The following SHISA6 variants were observed in gnomAD, a reference collection of about 807,000 sequenced individuals.
The protein encoded by SHISA6 is shisa family member 6.
In SHISA6, 22 loss-of-function variants were observed where a neutral mutation model predicts 47.9. The ratio of observed to expected loss-of-function variants is 0.46; its 90% CI spans 0.33 to 0.66. The LOEUF is 0.66. SHISA6 is among the 30% of genes least tolerant of loss of function. SHISA6 has a pLI of 0.02. For synonymous variants in SHISA6, 388 were observed against 337.8 expected (o/e 1.15, Z -1.63); for missense variants, 680 against 764.6 (o/e 0.89, Z 1.30).
chr17:11,266,057 G>A (rs753061646), intron 2 of SHISA6, among the ~76,000 whole-genome samples: 99 of 152,284 alleles, frequency 6.5e-4, no homozygotes, highest in Non-Finnish European at 1.3e-3. Flanking sequence ...ATCACAAGCC[G>A]CAGCTTCTAC....
chr17:11,547,356 G>A (rs1354643637), intron 3 of SHISA6, among the ~76,000 whole-genome samples: 1 of 152,178 alleles, frequency 6.6e-6, no homozygotes, highest in Non-Finnish European at 1.5e-5. Flanking sequence ...AGCAGAACTT[G>A]TACAGGCTCT....
intron 3 of SHISA6, among the ~76,000 whole-genome samples, chr17:11,500,606 A>G: frequency 6.6e-6 from 1 of 152,254 alleles, no homozygotes; most frequent in Admixed American, 6.5e-5. Flanking sequence ...CAAAAGGCCA[A>G]GATACATCCA....
intron 3 of SHISA6, among the ~76,000 whole-genome samples, chr17:11,458,230 T>C (rs1053673771): frequency 6.6e-6 from 1 of 152,144 alleles, no homozygotes; most frequent in Non-Finnish European, 1.5e-5. Flanking sequence ...TCTTCAGGCT[T>C]CGGTTTTCTC....
chr17:11,349,607 T>C (rs1423446124), intron 2 of SHISA6, among the ~76,000 whole-genome samples: 4 of 152,070 alleles, frequency 2.6e-5, no homozygotes, highest in Non-Finnish European at 5.9e-5. Context: ...GCAGCCACAG[T>C]TGGGGATGGG....
chr17:11,423,107 T>G (rs1914494751), intron 3 of SHISA6, among the ~76,000 whole-genome samples: 1 of 151,770 alleles, frequency 6.6e-6, no homozygotes, highest in South Asian at 2.1e-4. Context: ...GGATTAGATT[T>G]TATTTATCTC....
chr17:11,279,114 C>T (rs971274238), intron 2 of SHISA6, among the ~76,000 whole-genome samples: 4 of 152,180 alleles, frequency 2.6e-5, no homozygotes, highest in African/African-American at 4.8e-5. Context: ...GGTGCAGCTA[C>T]AAGCATGCTT....
In SHISA6 at chr17:11,508,586, C is replaced by T. The variant is rs181276728; in HGVS notation, c.896-43310C>T. Reference sequence around the variant, plus strand: ...CTCCCCTCCCCTTCCTTTCCCACCTCTCCCCTGCCAGTGCTCCCAGGTCAT... The same window carrying T: ...CTCCCCTCCCCTTCCTTTCCCACCTTTCCCCTGCCAGTGCTCCCAGGTCAT... On this transcript the variant is annotated intron_variant, in intron 3 of 5. Transcript: ENST00000441885. Among the ~76,000 whole-genome samples the T allele has an allele frequency of 2.4e-4, 31 of 129,146 alleles. 4 individuals carry two copies. In the East Asian group the frequency reaches 8.4e-3, roughly 35 times the overall value. 84.7% of individuals were successfully genotyped at this position (129,146 alleles called of 152,430 possible). A position where few individuals can be genotyped will look rare whatever the true frequency, so the allele number is the denominator to read the frequency against.
chr17:11,451,433 T>C (rs1362272520), intron 3 of SHISA6, among the ~76,000 whole-genome samples: 1 of 152,224 alleles, frequency 6.6e-6, no homozygotes, highest in African/African-American at 2.4e-5. Flanking sequence ...GTTCTGTGGA[T>C]ACTCTCAAGG....
At chr17:11,544,135 A>AT (rs557868943) in intron 3 of SHISA6, among the ~76,000 whole-genome samples, 2 of 152,186 alleles carry the variant, frequency 1.3e-5, no homozygotes, top group South Asian at 2.1e-4. Flanking sequence ...AAACAGGAGA[A>AT]TTTTTTTCAG....
chr17:11,537,166 G>A (rs1361082571), intron 3 of SHISA6, among the ~76,000 whole-genome samples: 1 of 151,894 alleles, frequency 6.6e-6, no homozygotes, highest in Non-Finnish European at 1.5e-5. Flanking sequence ...GCTCACTGGA[G>A]AGGAGTTCAC....
chr17:11,531,167 T>G (rs2071728670), intron 3 of SHISA6, among the ~76,000 whole-genome samples: 1 of 151,324 alleles, frequency 6.6e-6, no homozygotes, highest in South Asian at 2.1e-4. Context: ...GGTCATCAGC[T>G]GGTGCCATTA....
At chr17:11,349,374 C>G (rs143692123) in intron 2 of SHISA6, among the ~76,000 whole-genome samples, 17 of 152,272 alleles carry the variant, frequency 1.1e-4, no homozygotes, top group African/African-American at 3.4e-4. Flanking sequence ...CTCTCAGATT[C>G]TATGATTTCA....
intron 3 of SHISA6, among the ~76,000 whole-genome samples, chr17:11,533,239 T>C (rs1333192806): frequency 6.6e-6 from 1 of 152,218 alleles, no homozygotes. Flanking sequence ...TACCTCCCAC[T>C]TGCATTTCTA....
intron 2 of SHISA6, among the ~76,000 whole-genome samples, chr17:11,323,314 A>G (rs1182295041): frequency 6.6e-6 from 1 of 152,174 alleles, no homozygotes; most frequent in East Asian, 1.9e-4. Context: ...GACAGAGAGA[A>G]AGGATTTTTC....
chr17:11,394,740 A>G (rs1031331769), intron 3 of SHISA6, among the ~76,000 whole-genome samples: 31 of 152,000 alleles, frequency 2.0e-4, no homozygotes, highest in African/African-American at 7.3e-4. Context: ...ATAACGGTGC[A>G]GATAATTCCT....
intron 3 of SHISA6, among the ~76,000 whole-genome samples, chr17:11,478,893 T>C (rs1176373825): frequency 1.3e-5 from 2 of 148,492 alleles, no homozygotes; most frequent in Non-Finnish European, 3.0e-5. Flanking sequence ...AGGATTGACT[T>C]GGCGATGCGG....
At chr17:11,301,794 C>A (rs1409567664) in intron 2 of SHISA6, among the ~76,000 whole-genome samples, 1 of 152,126 alleles carries the variant, frequency 6.6e-6, no homozygotes, top group Non-Finnish European at 1.5e-5. Flanking sequence ...GGGAAACTGC[C>A]AGCTGTAGGG....
chr17:11,315,338 G>A lies in SHISA6; in HGVS notation c.799+51812G>A, dbSNP rs529378348. Among the ~76,000 whole-genome samples, 9 of 152,202 alleles carry A rather than the reference G, an allele frequency of 5.9e-5. No homozygotes were observed. In the East Asian group the frequency reaches 1.7e-3, roughly 29 times the overall value. On this transcript the variant is annotated intron_variant, in intron 2 of 5. Transcript: ENST00000441885. The stretch of plus-strand genomic sequence containing the variant: ...TCCTAGTTTTAATAGTGGTTCAGTT[G>A]ACTGCCTTGGATTTTGTAAGTAAAC...
chr17:11,269,395 C>T (rs1351876391), intron 2 of SHISA6, among the ~76,000 whole-genome samples: 1 of 152,112 alleles, frequency 6.6e-6, no homozygotes, highest in Non-Finnish European at 1.5e-5. Flanking sequence ...GGGGCTGACC[C>T]AGAACTCCAT....
Sources: allele counts gnomAD v4.1 joint callset (sites outside exome capture counted in the v4.1 genomes callset), GRCh38; gene constraint gnomAD v4.1.1; transcripts MANE v1.5; gene names NCBI Gene and HGNC (gene_info 2026-07-23, HGNC 2026-07-21).